MTA3: variants seen among roughly 807,000 people sequenced by gnomAD.
MTA3 encodes metastasis-associated protein MTA3.
In MTA3, 34 loss-of-function variants were observed where a neutral mutation model predicts 83.5. That is an observed-to-expected ratio of 0.41 (90% CI 0.31 to 0.54). The LOEUF (loss-of-function observed/expected upper bound fraction) is 0.54. Ranked by LOEUF, MTA3 falls within the 20% of genes least tolerant of loss-of-function variation. The pLI is 0.33. For synonymous variants in MTA3, 303 were observed against 252.7 expected, an observed-to-expected ratio of 1.20 and a Z score of -1.89; for missense variants, 761 against 726.4, an observed-to-expected ratio of 1.05 and a Z score of -0.55.
At chr2:42,657,425 T>A (rs906045438) in intron 7 of MTA3, among the ~76,000 whole-genome samples, 1 of 152,154 alleles carries the variant, frequency 6.6e-6, no homozygotes, top group Non-Finnish European at 1.5e-5. Flanking sequence ...TGGCCCCTTG[T>A]TGAGTACAGA....
intron 2 of MTA3, among the ~76,000 whole-genome samples, chr2:42,550,899 G>A (rs1027884355): frequency 2.6e-5 from 4 of 151,626 alleles, no homozygotes; most frequent in African/African-American, 9.7e-5. Context: ...AAAATTAGCC[G>A]GGCATGGTGG....
At chr2:42,706,961 C>CGCTTCTT (rs1300905178) in intron 12 of MTA3, among the ~76,000 whole-genome samples, 19 of 152,128 alleles carry the variant, frequency 1.2e-4, no homozygotes, top group East Asian at 1.2e-3. Flanking sequence ...TCCCCTACTC[C>CGCTTCTT]CTCCCTCTTC....
chr2:42,657,752 A>C, intron 7 of MTA3, among the ~76,000 whole-genome samples: 2 of 128,806 alleles, frequency 1.6e-5, no homozygotes, highest in Admixed American at 8.7e-5. Flanking sequence ...ATATAGTAAG[A>C]CCTCATCTCT....
At chr2:42,627,388 A>G (rs184071935) in intron 4 of MTA3, among the ~76,000 whole-genome samples, 1 of 151,958 alleles carries the variant, frequency 6.6e-6, no homozygotes, top group Admixed American at 6.6e-5. Flanking sequence ...TCTTGTCCTA[A>G]TTATATTAGG....
At chr2:42,686,704 G>A (rs1692399125) in intron 9 of MTA3, among the ~76,000 whole-genome samples, 1 of 152,078 alleles carries the variant, frequency 6.6e-6, no homozygotes, top group Admixed American at 6.6e-5. Flanking sequence ...GTGCAGGCCT[G>A]TAATGCCAGT....
chr2:42,498,406 C>A (rs989157852), intron 2 of MTA3, among the ~76,000 whole-genome samples: 1 of 152,116 alleles, frequency 6.6e-6, no homozygotes, highest in Non-Finnish European at 1.5e-5. Context: ...AGTTTGCAAG[C>A]CAGGAAGAGA....
rs1397698904 is a variant in MTA3, at chr2:42,756,808, G to T, written c.*3409G>T. On this transcript the variant is annotated 3_prime_UTR_variant, in exon 17 of 17. Transcript: ENST00000405094. ...TCCCTGCCAGGGAAGCTAACCCAGA[G>T]CACGCACCTGTGCTCATGAGTGTTT... 1.0e-6 allele frequency: 1 copy of T among 985,340 alleles called. No individual in the cohort carries two copies. Among genetic ancestry groups the T allele is most frequent in the Non-Finnish European group, 1.2e-6 (1 of 829,974 alleles). The allele number at this position is 985,340 out of a possible 1,614,324, so 61.0% of individuals were successfully genotyped here.
chr2:42,616,833 C>G lies in MTA3; in HGVS notation c.317+7249C>G, dbSNP rs375269455. Among the ~76,000 whole-genome samples, 7 of 152,186 alleles carry G rather than the reference C, an allele frequency of 4.6e-5. No individual in the cohort carries two copies. In the South Asian group the frequency reaches 1.2e-3, roughly 27 times the overall value. On this transcript the variant is annotated intron_variant, in intron 4 of 16. Coordinates refer to ENST00000405094, the MANE Select transcript of MTA3 (RefSeq NM_001330442.2). ...CTGCTGGTCTCAAGCGATCCTCCTG[C>G]CTTGGCCTCCCAAAGTGTTGGGATT...
intron 16 of MTA3, among the ~76,000 whole-genome samples, chr2:42,733,127 A>G (rs906637343): frequency 6.6e-6 from 1 of 152,182 alleles, no homozygotes; most frequent in South Asian, 2.1e-4. Flanking sequence ...CTCTGCTGGT[A>G]CCAATGTACT....
At chr2:42,494,684 C>T (rs1674049252) in exon 1 of MTA3, 1 of 152,308 alleles carries the variant, frequency 6.6e-6, no homozygotes, top group Non-Finnish European at 1.5e-5. Flanking sequence ...CGCCTGGACC[C>T]TCTCGAGATG....
At chr2:42,608,377 GAGT>G (rs1263704480) in intron 3 of MTA3, among the ~76,000 whole-genome samples, 1 of 152,104 alleles carries the variant, frequency 6.6e-6, no homozygotes, top group African/African-American at 2.4e-5. Flanking sequence ...ATTTCTCTTT[GAGT>G]AGTTCATTAA....
intron 11 of MTA3, 126 bp from the exon 12 acceptor site, chr2:42,704,068 C>A (rs985018854): frequency 8.9e-7 from 1 of 1,120,284 alleles, no homozygotes; most frequent in Non-Finnish European, 1.2e-6. Context: ...CAGTTTATTT[C>A]TTCTTCACAC....
At chr2:42,671,548 C>T (rs1350270302) in intron 8 of MTA3, among the ~76,000 whole-genome samples, 4 of 152,030 alleles carry the variant, frequency 2.6e-5, no homozygotes, top group Admixed American at 1.3e-4. Context: ...TTTAAAATTA[C>T]TTTTCATGAT....
Position 42,540,955 on chromosome 2 carries a change from T to C in MTA3, c.-140-29482T>C, listed in dbSNP as rs191688313. Among the ~76,000 whole-genome samples, 469 of 152,254 alleles carry C rather than the reference T, an allele frequency of 3.1e-3. 1 individual carries two copies. Among genetic ancestry groups the C allele is most frequent in the Middle Eastern group, 0.01 (3 of 294 alleles). Reference sequence around the variant, plus strand: ...TGTACTACACATGGTCCCTGACTTATGATGGTTCAACTTAAGATTTTTCGA... The same window carrying C: ...TGTACTACACATGGTCCCTGACTTACGATGGTTCAACTTAAGATTTTTCGA... On this transcript the variant is annotated intron_variant, in intron 2 of 17. Transcript: ENST00000405592.
intron 16 of MTA3, among the ~76,000 whole-genome samples, chr2:42,726,872 GA>G (rs1322503817): frequency 2.2e-4 from 34 of 152,158 alleles, no homozygotes; most frequent in Non-Finnish European, 4.6e-4. Context: ...CAATCTAATA[GA>G]ATCTAAACTC....
At chr2:42,666,794 C>T (rs192412451) in intron 8 of MTA3, among the ~76,000 whole-genome samples, 38 of 152,230 alleles carry the variant, frequency 2.5e-4, no homozygotes, top group East Asian at 2.1e-3. Context: ...AAGCATAGTG[C>T]CTGGCATATA....
intron 12 of MTA3, among the ~76,000 whole-genome samples, chr2:42,706,546 C>G (rs1253786869): frequency 6.6e-6 from 1 of 152,166 alleles, no homozygotes; most frequent in Non-Finnish European, 1.5e-5. Flanking sequence ...TTGATATCTT[C>G]ATGTGCTGTT....
intron 2 of MTA3, among the ~76,000 whole-genome samples, chr2:42,529,081 G>A (rs1675844738): frequency 6.6e-6 from 1 of 152,160 alleles, no homozygotes; most frequent in Non-Finnish European, 1.5e-5. Flanking sequence ...AAAATATGTA[G>A]GAGGCAGCTT....
At chr2:42,619,144 C>T (rs893979035) in intron 4 of MTA3, among the ~76,000 whole-genome samples, 1 of 152,114 alleles carries the variant, frequency 6.6e-6, no homozygotes, top group Non-Finnish European at 1.5e-5. Context: ...GGAGAGAGAA[C>T]AGTTAAAGGC....
Sources: gnomAD v4.1 joint callset for allele counts (sites outside exome capture counted in the v4.1 genomes callset) on GRCh38, gnomAD v4.1.1 for gene constraint, MANE v1.5 for transcripts, NCBI Gene and HGNC (gene_info 2026-07-23, HGNC 2026-07-21) for gene names.